DNAI3: variants seen among roughly 807,000 people sequenced by gnomAD.
DNAI3 encodes the protein WD repeat domain 63.
A neutral mutation model predicts 115.5 loss-of-function variants in DNAI3; 83 were observed. The observed-to-expected ratio is 0.72, with a 90% CI of 0.60 to 0.86. DNAI3 has a LOEUF of 0.86. Ranked by LOEUF, DNAI3 falls within the 40% of genes least tolerant of loss-of-function variation. The pLI, the probability that DNAI3 is intolerant of heterozygous loss-of-function variation, is 0.00. For synonymous variants in DNAI3, 320 were observed against 347.0 expected (o/e 0.92, Z 0.86); for missense variants, 1,004 against 1,075.8 (o/e 0.93, Z 0.93).
At chr1:85,129,231 A>ACC (rs11438600) in intron 21 of DNAI3, among the ~76,000 whole-genome samples, 1 of 151,874 alleles carries the variant, frequency 6.6e-6, no homozygotes, top group Non-Finnish European at 1.5e-5. Context: ...GGTATTCTGC[A>ACC]CCCCCCACAC....
rs1387911536 is a variant in DNAI3, at chr1:85,091,579, A to T, written c.857+1347A>T. Among the ~76,000 whole-genome samples the T allele has an allele frequency of 2.6e-5, 4 of 152,368 alleles. No homozygotes were observed. The East Asian group carries it at 7.7e-4, about 29-fold the overall frequency. ...TTATTCAATAGTTTTTAATTAAGGT[A>T]AGCCTGATTTTGTTCTGGAAGAAAG... On this transcript the variant is annotated intron_variant, in intron 8 of 22. Coordinates refer to ENST00000294664, the MANE Select transcript of DNAI3 (RefSeq NM_145172.5).
intron 7 of DNAI3, among the ~76,000 whole-genome samples, chr1:85,088,854 C>A (rs1295777478): frequency 6.6e-6 from 1 of 151,620 alleles, no homozygotes; most frequent in East Asian, 1.9e-4. Flanking sequence ...TTTTACTTAA[C>A]CCTGTCTAGA....
chr1:85,084,717 T>C, intron 6 of DNAI3, 22 bp downstream of exon 6: 4 of 1,439,518 alleles, frequency 2.8e-6, no homozygotes, highest in Admixed American at 2.5e-5. Context: ...ATATATGATC[T>C]GTAATCATTA....
intron 19 of DNAI3, among the ~76,000 whole-genome samples, chr1:85,124,640 C>G (rs1269127466): frequency 2.6e-5 from 4 of 152,134 alleles, no homozygotes. Flanking sequence ...AGTTGATTCT[C>G]CCATCTCAGC....
At chr1:85,083,995 A>G (rs546367687) in intron 5 of DNAI3, among the ~76,000 whole-genome samples, 1 of 151,862 alleles carries the variant, frequency 6.6e-6, no homozygotes, top group African/African-American at 2.4e-5. Context: ...ATCTATCAAT[A>G]TCAGTACATT....
chr1:85,086,878 C>A (rs1654813543), intron 7 of DNAI3, among the ~76,000 whole-genome samples: 2 of 151,916 alleles, frequency 1.3e-5, no homozygotes, highest in African/African-American at 4.8e-5. Flanking sequence ...CTGATCAAAA[C>A]CTTCCAATGG....
At position 85,097,591 on chromosome 1, in the gene DNAI3, C is replaced by T; in HGVS notation, c.1286C>T (p.Ala429Val). Residue 429 changes from alanine (A) to valine (V), a missense_variant, in exon 12 of 23, where the codon GCA (alanine) becomes GTA (valine). Physicochemically the swap from Ala to Val is moderately conservative, Grantham distance 64. This residue lies in a region of DNAI3 where 550 missense variants were observed against 568.1 expected (regional missense o/e 0.97). Coordinates refer to ENST00000294664, the MANE Select transcript of DNAI3 (RefSeq NM_145172.5). ...NGQIVMWDIT[A>V]HADRIENIKA... The stretch of plus-strand genomic sequence containing the variant: ...TAGATTGTCATGTGGGATATCACCG[C>T]ACATGCAGATCGCATAGAAAACATT... 2 of 1,612,740 alleles carry T rather than the reference C, an allele frequency of 1.2e-6. No individual in the cohort carries two copies. Among genetic ancestry groups the T allele is most frequent in the Middle Eastern group, 1.7e-4 (1 of 6,060 alleles).
chr1:85,080,145 A>T (rs1216307263), intron 3 of DNAI3, among the ~76,000 whole-genome samples: 1 of 135,894 alleles, frequency 7.4e-6, no homozygotes, highest in African/African-American at 2.8e-5. Context: ...TCCACCTCCC[A>T]GGTTAACACC....
intron 17 of DNAI3, 52 bp downstream of exon 17, chr1:85,117,911 T>C (rs749870050): frequency 6.4e-7 from 1 of 1,571,106 alleles, no homozygotes; most frequent in South Asian, 1.2e-5. Flanking sequence ...TACTAAAATA[T>C]GTTATTACAA....
At chr1:85,068,531 C>T (rs1311367134) in intron 1 of DNAI3, among the ~76,000 whole-genome samples, 1 of 152,178 alleles carries the variant, frequency 6.6e-6, no homozygotes, top group East Asian at 1.9e-4. Flanking sequence ...CCTGCTTCAG[C>T]CTTTTCCTTG....
chr1:85,098,784 T>C, intron 13 of DNAI3, 126 bp downstream of exon 13: 1 of 1,385,406 alleles, frequency 7.2e-7, no homozygotes, highest in Non-Finnish European at 9.9e-7. Flanking sequence ...GAACTAAGCA[T>C]CAAAAAATGG....
At chr1:85,092,458 A>G (rs1010997850) in intron 8 of DNAI3, among the ~76,000 whole-genome samples, 1 of 152,198 alleles carries the variant, frequency 6.6e-6, no homozygotes, top group Non-Finnish European at 1.5e-5. Context: ...TATAAAACCA[A>G]GAAGTTTACA....
At chr1:85,078,844 A>T (rs1275871606) in intron 3 of DNAI3, among the ~76,000 whole-genome samples, 3 of 152,248 alleles carry the variant, frequency 2.0e-5, no homozygotes, top group Non-Finnish European at 4.4e-5. Context: ...ACTTCTAGAT[A>T]AAGGAATGTT....
chr1:85,129,557 A>G (rs1571205821), intron 21 of DNAI3, among the ~76,000 whole-genome samples: 1 of 152,144 alleles, frequency 6.6e-6, no homozygotes, highest in East Asian at 1.9e-4. Flanking sequence ...TCTAAGTTTG[A>G]TTGATGATAT....
At chr1:85,128,072 C>CCATGATCA (rs1656199747) in intron 20 of DNAI3, among the ~76,000 whole-genome samples, 1 of 140,430 alleles carries the variant, frequency 7.1e-6, no homozygotes, top group Admixed American at 7.6e-5. Flanking sequence ...CTGCAGTGAG[C>CCATGATCA]CATGATCATA....
At chr1:85,098,772 A>G in intron 13 of DNAI3, 114 bp downstream of exon 13, 1 of 1,472,914 alleles carries the variant, frequency 6.8e-7, no homozygotes, top group Non-Finnish European at 9.3e-7. Context: ...TGAAATAACC[A>G]GGAACTAAGC....
intron 1 of DNAI3, among the ~76,000 whole-genome samples, chr1:85,065,460 T>C (rs192210335): frequency 6.6e-6 from 1 of 152,330 alleles, no homozygotes; most frequent in East Asian, 1.9e-4. Context: ...AGGAGGATTA[T>C]GTCATTGTCT....
At chr1:85,096,133 G>A in intron 11 of DNAI3, 113 bp downstream of exon 11, 1 of 936,084 alleles carries the variant, frequency 1.1e-6, no homozygotes. Flanking sequence ...AGGAAGGCAT[G>A]CCAATTGTGT....
In DNAI3 at chr1:85,073,071, C is replaced by A; in HGVS notation, c.82C>A (p.Pro28Thr). 1 of 1,548,194 alleles carries A rather than the reference C, an allele frequency of 6.5e-7. No homozygotes were observed. Among genetic ancestry groups the A allele is most frequent in the Non-Finnish European group, 8.7e-7 (1 of 1,145,322 alleles). Residue 28 changes from proline to threonine, a missense_variant, in exon 3 of 23, where the codon CCA (proline) becomes ACA (threonine). Pro to Thr is a conservative substitution (Grantham distance 38, BLOSUM62 -1). Transcript: ENST00000294664. ...PVLAASEDME[P>T]VNMESMGHPE... is the part of the protein sequence containing the mutation. The stretch of plus-strand genomic sequence containing the variant: ...TATTCTAGCTAGTGAAGACATGGAA[C>A]CAGTAAATATGGAGAGCATGGGTAA...
Sources: gnomAD v4.1 joint callset for allele counts (sites outside exome capture counted in the v4.1 genomes callset) on GRCh38, gnomAD v4.1.1 for gene constraint, gnomAD v4.1.1 regional missense constraint, MANE v1.5 for transcripts, NCBI Gene and HGNC (gene_info 2026-07-23, HGNC 2026-07-21) for gene names.